Variants in PRKCB observed in about 807,000 individuals in gnomAD.
PRKCB encodes protein kinase C beta, also known as protein kinase C beta type.
A neutral mutation model predicts 81.5 loss-of-function variants in PRKCB; 13 were observed. That is an observed-to-expected ratio of 0.16 (90% CI 0.10 to 0.25). PRKCB has a LOEUF of 0.25. Ranked by LOEUF, PRKCB falls within the 10% of genes least tolerant of loss-of-function variation. PRKCB has a pLI of 1.00. For missense variants in PRKCB, 509 were observed against 875.7 expected (o/e 0.58, Z 5.29); for synonymous variants, 335 against 321.4 (o/e 1.04, Z -0.45).
At chr16:24,179,651 A>G (rs1967588406) in intron 12 of PRKCB, among the ~76,000 whole-genome samples, 1 of 152,246 alleles carries the variant, frequency 6.6e-6, no homozygotes, top group Non-Finnish European at 1.5e-5. Context: ...ACAGATGAAA[A>G]TAAAAGAGAA....
At chr16:24,061,930 A>AAAAAAAAAAAAAAC (rs1567361049) in intron 5 of PRKCB, among the ~76,000 whole-genome samples, 1 of 146,504 alleles carries the variant, frequency 6.8e-6, no homozygotes, top group African/African-American at 2.5e-5. Context: ...AAAAAAAAAA[A>AAAAAAAAAAAAAAC]AAACTTGAGG....
At chr16:23,995,493 G>C (rs1239209698) in intron 3 of PRKCB, among the ~76,000 whole-genome samples, 1 of 152,204 alleles carries the variant, frequency 6.6e-6, no homozygotes, top group Non-Finnish European at 1.5e-5. Context: ...CAGATAGCTA[G>C]TTTCCTATTA....
intron 2 of PRKCB, among the ~76,000 whole-genome samples, chr16:23,895,209 T>A (rs1169687635): frequency 6.6e-6 from 1 of 152,176 alleles, no homozygotes; most frequent in Admixed American, 6.5e-5. Flanking sequence ...TGTCCTGTAA[T>A]GATGTGAAAA....
chr16:23,918,508 T>C (rs1963778324), intron 2 of PRKCB, among the ~76,000 whole-genome samples: 1 of 152,124 alleles, frequency 6.6e-6, no homozygotes, highest in Non-Finnish European at 1.5e-5. Context: ...GAGATTCTCG[T>C]GCCTCAGCCA....
intron 5 of PRKCB, among the ~76,000 whole-genome samples, chr16:24,046,958 T>G (rs1295787352): frequency 6.6e-6 from 1 of 152,146 alleles, no homozygotes; most frequent in Non-Finnish European, 1.5e-5. Context: ...TGGTCCCAGT[T>G]ACTCAGGAGG....
At chr16:23,968,364 C>T (rs537844354) in intron 2 of PRKCB, among the ~76,000 whole-genome samples, 1 of 152,248 alleles carries the variant, frequency 6.6e-6, no homozygotes, top group African/African-American at 2.4e-5. Flanking sequence ...GCACCTAGGG[C>T]CTTGCAACAG....
chr16:24,183,874 C>T (rs757544429), intron 13 of PRKCB, among the ~76,000 whole-genome samples: 1 of 152,198 alleles, frequency 6.6e-6, no homozygotes, highest in African/African-American at 2.4e-5. Context: ...GATGGACAAT[C>T]ACATAGCTCT....
chr16:24,169,117 G>T (rs1336831988), intron 10 of PRKCB, among the ~76,000 whole-genome samples: 1 of 151,966 alleles, frequency 6.6e-6, no homozygotes, highest in African/African-American at 2.4e-5. Flanking sequence ...CAAGGCTCAG[G>T]GATGTAAAAT....
intron 9 of PRKCB, among the ~76,000 whole-genome samples, chr16:24,125,229 CCCCT>C (rs1216875530): frequency 6.6e-6 from 1 of 152,210 alleles, no homozygotes; most frequent in Non-Finnish European, 1.5e-5. Context: ...TCAAGGGGCT[CCCCT>C]GCTTAAGACC....
chr16:23,872,053 A>T (rs1325994469), intron 2 of PRKCB, among the ~76,000 whole-genome samples: 1 of 152,174 alleles, frequency 6.6e-6, no homozygotes, highest in African/African-American at 2.4e-5. Context: ...TGTCAAGAAC[A>T]TGCTACATCA....
chr16:23,865,138 A>T (rs911130893), intron 2 of PRKCB, among the ~76,000 whole-genome samples: 3 of 152,140 alleles, frequency 2.0e-5, no homozygotes, highest in Non-Finnish European at 2.9e-5. Context: ...ATCCTCAGGG[A>T]TGACTATGAA....
At chr16:23,921,527 C>A (rs1490223676) in intron 2 of PRKCB, among the ~76,000 whole-genome samples, 4 of 152,124 alleles carry the variant, frequency 2.6e-5, no homozygotes, top group Non-Finnish European at 5.9e-5. Context: ...CTAGGCCAGG[C>A]AAGATGGCTC....
chr16:23,843,255 A>G (rs1165466857), intron 2 of PRKCB, among the ~76,000 whole-genome samples: 4 of 152,144 alleles, frequency 2.6e-5, no homozygotes, highest in Non-Finnish European at 5.9e-5. Context: ...AAAAATCACC[A>G]AGTCAGGCTG....
chr16:24,183,255 A>G (rs1466913269), intron 13 of PRKCB, among the ~76,000 whole-genome samples: 3 of 152,202 alleles, frequency 2.0e-5, no homozygotes, highest in East Asian at 3.8e-4. Context: ...CATGTGCAAC[A>G]TGTTGTTCTG....
chr16:24,204,382 G>A (rs911306202), intron 16 of PRKCB, among the ~76,000 whole-genome samples: 2 of 152,032 alleles, frequency 1.3e-5, no homozygotes, highest in African/African-American at 4.8e-5. Context: ...GATGGGCTCT[G>A]GATCTTGGCT....
rs59348538 is a variant in PRKCB at position 24,075,250 on chromosome 16, A to G, written c.530-17541A>G. ...GTGGTTACTATACTGGACATCAAAC[A>G]CTTCCATTATTTTAGAAAGTTCTAT... On this transcript the variant is annotated intron_variant, in intron 5 of 16. Transcript: ENST00000643927. Among the ~76,000 whole-genome samples, 641 of 152,312 alleles carry G rather than the reference A, an allele frequency of 4.2e-3. 23 individuals are homozygous for G. The East Asian group carries it at 0.093, about 22-fold the overall frequency.
At chr16:24,181,230 T>A (rs896789936) in intron 13 of PRKCB, among the ~76,000 whole-genome samples, 1 of 152,178 alleles carries the variant, frequency 6.6e-6, no homozygotes, top group African/African-American at 2.4e-5. Context: ...GGCCATGTGA[T>A]ACCGCCTAAT....
chr16:23,852,864 T>C (rs1415873442), intron 2 of PRKCB, among the ~76,000 whole-genome samples: 1 of 152,206 alleles, frequency 6.6e-6, no homozygotes, highest in Admixed American at 6.5e-5. Context: ...ATTTTTCTGT[T>C]AAAAAATTTA....
chr16:24,171,685 T>C (rs1967443059), intron 10 of PRKCB, among the ~76,000 whole-genome samples: 1 of 152,162 alleles, frequency 6.6e-6, no homozygotes, highest in African/African-American at 2.4e-5. Context: ...ACAAGATTAA[T>C]ATGCTAATTG....
Sources: allele counts gnomAD v4.1 joint callset (sites outside exome capture counted in the v4.1 genomes callset), GRCh38; gene constraint gnomAD v4.1.1; transcripts MANE v1.5; gene names NCBI Gene and HGNC (gene_info 2026-07-23, HGNC 2026-07-21).